The following NAALADL2 variants were observed in gnomAD, a reference collection of about 807,000 sequenced individuals.
NAALADL2 encodes the protein inactive N-acetylated-alpha-linked acidic dipeptidase-like protein 2.
In NAALADL2, 76 loss-of-function variants were observed where a neutral mutation model predicts 87.2. The observed-to-expected ratio is 0.87, with a 90% CI of 0.72 to 1.05. The LOEUF (loss-of-function observed/expected upper bound fraction) is 1.05, where lower values mean the gene tolerates loss of function less well. Ranked by LOEUF, NAALADL2 falls within the 50% of genes least tolerant of loss-of-function variation. The probability of loss-of-function intolerance (pLI) is 0.00; values close to 1 mark genes in which losing one functional copy is unlikely to be tolerated. For synonymous variants in NAALADL2, 354 were observed against 331.0 expected (o/e 1.07, Z -0.75); for missense variants, 1,089 against 945.8 (o/e 1.15, Z -1.99).
intron 2 of NAALADL2, among the ~76,000 whole-genome samples, chr3:174,630,260 G>C (rs1721981125): frequency 6.6e-6 from 1 of 151,882 alleles, no homozygotes; most frequent in African/African-American, 2.4e-5. Context: ...ATATTTAGTA[G>C]GTATTTTTGC....
intron 1 of NAALADL2, among the ~76,000 whole-genome samples, chr3:174,462,185 C>A (rs1200040393): frequency 6.6e-6 from 1 of 151,636 alleles, no homozygotes; most frequent in Non-Finnish European, 1.5e-5. Context: ...AATATTTTTT[C>A]TTAAATATTT....
chr3:175,467,287 C>G (rs73884422), intron 8 of NAALADL2, 103 bp downstream of exon 8: 2 of 863,586 alleles, frequency 2.3e-6, no homozygotes, highest in South Asian at 3.4e-5. Flanking sequence ...TGCTTCTCAA[C>G]ACAAGTGTCA....
At chr3:175,650,097 G>A (rs1408284678) in intron 11 of NAALADL2, among the ~76,000 whole-genome samples, 1 of 141,890 alleles carries the variant, frequency 7.0e-6, no homozygotes, top group African/African-American at 2.6e-5. Flanking sequence ...TATCAATTTT[G>A]CAAGTAGATA....
rs142164772 is a variant in NAALADL2, at chr3:174,892,122, G to A, written c.43+32672G>A. Among the ~76,000 whole-genome samples the A allele has an allele frequency of 1.1e-3, 164 of 152,158 alleles. 1 individual carries two copies. The highest frequency in any genetic ancestry group is 3.5e-3 in the African/African-American group (146 of 41,510). On this transcript the variant is annotated intron_variant, in intron 1 of 13. Transcript: ENST00000454872. ...GAACAGCTACAAATAATATGAGGCG[G>A]TAAAGACTACGATAAATACCTAACT... is the stretch of plus-strand genomic sequence containing the variant.
intron 2 of NAALADL2, among the ~76,000 whole-genome samples, chr3:174,716,443 G>C (rs1731198527): frequency 6.6e-6 from 1 of 151,934 alleles, no homozygotes; most frequent in African/African-American, 2.4e-5. Flanking sequence ...TGCAATTTTG[G>C]TGTTCCAAAT....
intron 2 of NAALADL2, among the ~76,000 whole-genome samples, chr3:174,586,848 T>G (rs1200997650): frequency 1.3e-5 from 2 of 152,144 alleles, no homozygotes; most frequent in African/African-American, 2.4e-5. Context: ...TTTTTTATTA[T>G]TATACTTTAA....
chr3:175,409,827 C>T (rs1008152757), intron 5 of NAALADL2, among the ~76,000 whole-genome samples: 1 of 151,910 alleles, frequency 6.6e-6, no homozygotes. Context: ...TTAGATTATG[C>T]ATTTGTTAAT....
At chr3:174,929,373 C>T (rs1736540366) in intron 1 of NAALADL2, among the ~76,000 whole-genome samples, 2 of 152,066 alleles carry the variant, frequency 1.3e-5, no homozygotes, top group Non-Finnish European at 2.9e-5. Context: ...ATGACACAGC[C>T]AGTAAAAGTG....
chr3:175,161,694 AC>A (rs1481129054), intron 2 of NAALADL2, among the ~76,000 whole-genome samples: 1 of 143,844 alleles, frequency 7.0e-6, no homozygotes, highest in Non-Finnish European at 1.5e-5. Flanking sequence ...TATAGCAATT[AC>A]TTTTTTTGGT....
chr3:175,138,787 T>C (rs916791269), intron 2 of NAALADL2, among the ~76,000 whole-genome samples: 3 of 148,224 alleles, frequency 2.0e-5, no homozygotes, highest in Non-Finnish European at 4.5e-5. Context: ...ACATAAGATA[T>C]TGTGAATATA....
intron 5 of NAALADL2, among the ~76,000 whole-genome samples, chr3:175,434,020 C>T (rs754193124): frequency 1.3e-5 from 2 of 151,756 alleles, no homozygotes; most frequent in Admixed American, 6.6e-5. Context: ...CAGCAAGAAA[C>T]GAGTGGTAAT....
intron 4 of NAALADL2, among the ~76,000 whole-genome samples, chr3:175,314,152 A>G (rs1233381042): frequency 6.6e-6 from 1 of 151,864 alleles, no homozygotes; most frequent in African/African-American, 2.4e-5. Flanking sequence ...TTGAATAATA[A>G]AATGTTACTG....
chr3:175,399,959 C>T (rs1035749960), intron 5 of NAALADL2, among the ~76,000 whole-genome samples: 3 of 152,054 alleles, frequency 2.0e-5, no homozygotes, highest in African/African-American at 7.2e-5. Context: ...TGTAATGAAT[C>T]TCTGAAGTGA....
intron 10 of NAALADL2, chr3:175,581,237 A>T: frequency 3.4e-6 from 1 of 290,260 alleles, no homozygotes; most frequent in South Asian, 2.9e-5. Context: ...AGGTCAGGAG[A>T]TCGAGACCAA....
intron 3 of NAALADL2, chr3:175,235,763 C>T (rs1745727077): frequency 6.6e-6 from 1 of 152,184 alleles, no homozygotes; most frequent in Non-Finnish European, 1.5e-5. Context: ...TTGGAATCTT[C>T]CCCATCTCTT....
intron 3 of NAALADL2, among the ~76,000 whole-genome samples, chr3:174,781,002 T>C (rs1715902107): frequency 6.6e-6 from 1 of 152,054 alleles, no homozygotes; most frequent in African/African-American, 2.4e-5. Context: ...AGCATTTGCT[T>C]GTCTGTAAAG....
chr3:175,071,460 G>A (rs1715627284), intron 1 of NAALADL2, among the ~76,000 whole-genome samples: 1 of 151,940 alleles, frequency 6.6e-6, no homozygotes, highest in South Asian at 2.1e-4. Flanking sequence ...TGTCAGTTGT[G>A]TGCATACAGT....
At chr3:174,928,936 A>G (rs1328605557) in intron 1 of NAALADL2, among the ~76,000 whole-genome samples, 2 of 152,200 alleles carry the variant, frequency 1.3e-5, no homozygotes, top group Non-Finnish European at 2.9e-5. Flanking sequence ...ACTTGCCCAT[A>G]TAGAACTTAT....
At chr3:175,421,677 C>T (rs1007222476) in intron 5 of NAALADL2, among the ~76,000 whole-genome samples, 4 of 152,034 alleles carry the variant, frequency 2.6e-5, no homozygotes, top group Non-Finnish European at 4.4e-5. Context: ...GTTACAGCCT[C>T]ATTCATTCAT....
Sources: allele counts gnomAD v4.1 joint callset (sites outside exome capture counted in the v4.1 genomes callset), GRCh38; gene constraint gnomAD v4.1.1; transcripts MANE v1.5; gene names NCBI Gene and HGNC (gene_info 2026-07-23, HGNC 2026-07-21).